The following ULK4 variants were observed in gnomAD, a reference collection of about 807,000 sequenced individuals.
ULK4 encodes unc-51 like kinase 4.
A neutral mutation model predicts 160.6 loss-of-function variants in ULK4; 133 were observed. That is an observed-to-expected ratio of 0.83 (90% CI 0.72 to 0.96). The LOEUF (loss-of-function observed/expected upper bound fraction) is 0.96, where lower values mean the gene tolerates loss of function less well. Ranked by LOEUF, ULK4 falls within the 40% of genes least tolerant of loss-of-function variation. ULK4 has a pLI of 0.00. For synonymous variants in ULK4, 534 were observed against 539.8 expected, an observed-to-expected ratio of 0.99 and a Z score of 0.15; for missense variants, 1,580 against 1,499.5, an observed-to-expected ratio of 1.05 and a Z score of -0.89.
chr3:41,492,860 T>A lies in ULK4; in HGVS notation c.3227-29607A>T, dbSNP rs541174251. On this transcript the variant is annotated intron_variant, in intron 32 of 36. Coordinates refer to ENST00000301831, the MANE Select transcript of ULK4 (RefSeq NM_017886.4). The stretch of plus-strand genomic sequence containing the variant: ...CATTACATAATGGTAAAGGGATCAA[T>A]TCAACAAGAAGAGCTAACTATCCTA... 6.1e-3 allele frequency among the ~76,000 whole-genome samples: 865 copies of A among 141,004 alleles called. 7 individuals are homozygous for A. Among genetic ancestry groups the A allele is most frequent in the African/African-American group, 0.022 (828 of 37,760 alleles). The allele number at this position is 141,004 out of a possible 152,430, so 92.5% of individuals were successfully genotyped here. A position where few individuals can be genotyped will look rare whatever the true frequency, so the allele number is the denominator to read the frequency against.
chr3:41,759,353 A>C (rs2038912159), intron 21 of ULK4, among the ~76,000 whole-genome samples: 1 of 152,042 alleles, frequency 6.6e-6, no homozygotes, highest in African/African-American at 2.4e-5. Flanking sequence ...CAATTGGAAA[A>C]TAAATCCTTT....
intron 20 of ULK4, among the ~76,000 whole-genome samples, chr3:41,795,456 G>C (rs1000195214): frequency 1.3e-5 from 2 of 152,018 alleles, no homozygotes; most frequent in African/African-American, 4.8e-5. Flanking sequence ...CTTAATCTTT[G>C]CAAGAAAAAT....
At chr3:41,785,483 CA>C (rs1403789918) in intron 21 of ULK4, among the ~76,000 whole-genome samples, 2 of 152,108 alleles carry the variant, frequency 1.3e-5, no homozygotes, top group African/African-American at 4.8e-5. Flanking sequence ...TTTTCTGTAG[CA>C]AACAGTAATT....
In ULK4 at chr3:41,917,988, A is replaced by AAAATAAAT. The variant is rs150895020; in HGVS notation, c.727+461_727+468dup. Among the ~76,000 whole-genome samples, 713 of 147,814 alleles carry AAAATAAAT rather than the reference A, an allele frequency of 4.8e-3. 8 individuals carry two copies. The highest frequency in any genetic ancestry group is 0.017 in the Middle Eastern group (5 of 286). Reference sequence around the variant, plus strand: ...GGCAACAGAGCAAGACTCTGTCTCAAAAATAAATAAATAAATAAATAAATA... The same window carrying AAAATAAAT: ...GGCAACAGAGCAAGACTCTGTCTCAAAAATAAATAAATAAATAAATAAATAAATAAATA... On this transcript the variant is annotated intron_variant, in intron 7 of 36. Transcript: ENST00000301831.
At chr3:41,368,150 C>T (rs1222969924) in intron 35 of ULK4, among the ~76,000 whole-genome samples, 1 of 151,844 alleles carries the variant, frequency 6.6e-6, no homozygotes, top group Non-Finnish European at 1.5e-5. Flanking sequence ...GGGGTTAACG[C>T]CATTCTCCTG....
chr3:41,443,809 T>A (rs2125859221), intron 34 of ULK4, among the ~76,000 whole-genome samples: 1 of 152,198 alleles, frequency 6.6e-6, no homozygotes, highest in South Asian at 2.1e-4. Flanking sequence ...AACTAGCATG[T>A]TAAGCAATAT....
intron 8 of ULK4, chr3:41,914,988 G>C (rs995555224): frequency 6.6e-6 from 1 of 152,232 alleles, no homozygotes; most frequent in African/African-American, 2.4e-5. Context: ...CAGCCTGGGT[G>C]ACAGAGCAAG....
At chr3:41,762,603 C>T (rs1337854904) in intron 21 of ULK4, among the ~76,000 whole-genome samples, 1 of 149,450 alleles carries the variant, frequency 6.7e-6, no homozygotes, top group Non-Finnish European at 1.5e-5. Flanking sequence ...AGAAGCAAAC[C>T]ATGTCTTACC....
At chr3:41,747,762 C>T (rs117592842) in intron 22 of ULK4, among the ~76,000 whole-genome samples, 1 of 152,088 alleles carries the variant, frequency 6.6e-6, no homozygotes, top group East Asian at 1.9e-4. Flanking sequence ...AAAGGCCATG[C>T]GAGGACACAG....
intron 33 of ULK4, among the ~76,000 whole-genome samples, chr3:41,458,224 C>T (rs533637897): frequency 6.6e-6 from 1 of 152,198 alleles, no homozygotes; most frequent in South Asian, 2.1e-4. Context: ...ATTTAGTAGC[C>T]TTAAACATAT....
rs879621050 is a variant in ULK4, at chr3:41,504,830, A to G, written c.3227-41577T>C. ...ATCATTTTCAATCTAATCAAGAGTC[A>G]TAATTTAAAATTCACTAGAGTTGTT... On this transcript the variant is annotated intron_variant, in intron 32 of 36. Transcript: ENST00000301831. 5.3e-5 allele frequency among the ~76,000 whole-genome samples: 8 copies of G among 152,204 alleles called. No individual in the cohort carries two copies. The South Asian group carries it at 1.7e-3, about 32-fold the overall frequency.
At chr3:41,516,085 A>C (rs2085738385) in intron 32 of ULK4, among the ~76,000 whole-genome samples, 1 of 151,652 alleles carries the variant, frequency 6.6e-6, no homozygotes. Flanking sequence ...AAAGTAAATA[A>C]AATATAACAA....
intron 30 of ULK4, among the ~76,000 whole-genome samples, chr3:41,655,884 A>G (rs1371833735): frequency 6.6e-6 from 1 of 152,226 alleles, no homozygotes; most frequent in Non-Finnish European, 1.5e-5. Context: ...CAAAATTTGA[A>G]TTGAAATATA....
chr3:41,583,817 G>A (rs1240562825), intron 31 of ULK4, among the ~76,000 whole-genome samples: 1 of 152,204 alleles, frequency 6.6e-6, no homozygotes, highest in Admixed American at 6.5e-5. Flanking sequence ...GGATCCTAGG[G>A]TATGGCATGG....
chr3:41,825,282 C>T (rs1019740708), intron 18 of ULK4, among the ~76,000 whole-genome samples: 2 of 152,236 alleles, frequency 1.3e-5, no homozygotes, highest in African/African-American at 2.4e-5. Flanking sequence ...AATGCAGCTC[C>T]TCACCAGCAA....
chr3:41,850,285 T>C (rs970520308), intron 17 of ULK4, among the ~76,000 whole-genome samples: 4 of 152,256 alleles, frequency 2.6e-5, no homozygotes, highest in African/African-American at 9.6e-5. Context: ...TGTGCATGTG[T>C]CTTTATAGCA....
chr3:41,506,777 T>A (rs373367049), intron 32 of ULK4, among the ~76,000 whole-genome samples: 2,992 of 17,246 alleles, frequency 0.17, 441 homozygotes, highest in Non-Finnish European at 0.33. Flanking sequence ...AATATATATA[T>A]ATATATATAT....
chr3:41,315,567 A>C (rs932032015), intron 35 of ULK4, among the ~76,000 whole-genome samples: 20 of 152,162 alleles, frequency 1.3e-4, no homozygotes, highest in Admixed American at 8.5e-4. Context: ...AAATCTACTA[A>C]AACTCAGTAA....
chr3:41,479,213 T>C (rs2084235758), intron 32 of ULK4, among the ~76,000 whole-genome samples: 1 of 152,222 alleles, frequency 6.6e-6, no homozygotes, highest in Non-Finnish European at 1.5e-5. Flanking sequence ...GCCCTTCTCC[T>C]TTTTCCTCCC....
Sources: allele counts gnomAD v4.1 joint callset (sites outside exome capture counted in the v4.1 genomes callset), GRCh38; gene constraint gnomAD v4.1.1; transcripts MANE v1.5; gene names NCBI Gene and HGNC (gene_info 2026-07-23, HGNC 2026-07-21).